The following ITGB5 variants were observed in gnomAD, a reference collection of about 807,000 sequenced individuals.
ITGB5 encodes integrin subunit beta 5.
Under a neutral mutation model 84.8 loss-of-function variants are expected in ITGB5, and 38 were observed. That is an observed-to-expected ratio of 0.45 (90% CI 0.35 to 0.59). ITGB5 has a LOEUF of 0.59. Ranked by LOEUF, ITGB5 falls within the 20% of genes least tolerant of loss-of-function variation. The pLI is 0.01. For synonymous variants in ITGB5, 393 were observed against 414.4 expected (o/e 0.95, Z 0.63); for missense variants, 905 against 1,034.5 (o/e 0.87, Z 1.72).
chr3:124,768,614 A>C (rs553764259), intron 12 of ITGB5, among the ~76,000 whole-genome samples: 30 of 152,280 alleles, frequency 2.0e-4, no homozygotes, highest in African/African-American at 5.8e-4. Context: ...GTATAGATGG[A>C]CCACACTTTG....
intron 2 of ITGB5, among the ~76,000 whole-genome samples, chr3:124,861,207 T>C (rs1343810395): frequency 1.3e-5 from 2 of 152,060 alleles, no homozygotes; most frequent in Non-Finnish European, 2.9e-5. Flanking sequence ...TAATAACGAT[T>C]TTTTATTTGT....
intron 10 of ITGB5, among the ~76,000 whole-genome samples, chr3:124,789,050 A>G (rs2064120529): frequency 6.6e-6 from 1 of 152,190 alleles, no homozygotes; most frequent in South Asian, 2.1e-4. Flanking sequence ...AACAAAAGGT[A>G]CTTTTGGAGA....
intron 1 of ITGB5, among the ~76,000 whole-genome samples, chr3:124,898,643 C>CGAAAAAAAAA (rs1935157227): frequency 3.4e-5 from 1 of 29,270 alleles, no homozygotes; most frequent in South Asian, 2.1e-3. Flanking sequence ...GACTCCGTCT[C>CGAAAAAAAAA]AAAAAAAAAA....
chr3:124,885,879 T>C (rs1249817646), intron 1 of ITGB5, among the ~76,000 whole-genome samples: 2 of 152,238 alleles, frequency 1.3e-5, no homozygotes, highest in Non-Finnish European at 2.9e-5. Flanking sequence ...ACTGCCTTCA[T>C]GTAAATGAGA....
chr3:124,878,262 C>G (rs1273534742), intron 1 of ITGB5, among the ~76,000 whole-genome samples: 2 of 152,204 alleles, frequency 1.3e-5, no homozygotes, highest in Non-Finnish European at 2.9e-5. Flanking sequence ...CTCCTCAATT[C>G]TGATGCAGAT....
chr3:124,817,904 C>T (rs184620363), intron 7 of ITGB5, among the ~76,000 whole-genome samples, 194 bp from the exon 8 acceptor site: 74 of 152,196 alleles, frequency 4.9e-4, no homozygotes, highest in Middle Eastern at 3.4e-3. Flanking sequence ...TGCTACAGTA[C>T]GCCGTGGAAT....
At chr3:124,800,932 C>T (rs897371088) in intron 9 of ITGB5, among the ~76,000 whole-genome samples, 8 of 152,196 alleles carry the variant, frequency 5.3e-5, no homozygotes, top group African/African-American at 1.2e-4. Flanking sequence ...CCCTCCCACT[C>T]GGTCTTGTTA....
At position 124,764,446 on chromosome 3, in the gene ITGB5, T is replaced by C. The variant is rs1473093820; in HGVS notation, c.2249A>G (p.Asp750Gly). 6.2e-7 allele frequency: 1 copy of C among 1,613,956 alleles called. No individual in the cohort carries two copies. The highest frequency in any genetic ancestry group is 8.5e-7 in the Non-Finnish European group (1 of 1,179,974). The change falls in exon 14 of 15, where the codon GAC (aspartate) becomes GGC (glycine). Residue 750 changes from aspartate to glycine, a missense_variant. Coordinates refer to ENST00000296181, the MANE Select transcript of ITGB5 (RefSeq NM_002213.5). ...AIWKLLVTIH[D>G]RREFAKFQSE... is the part of the protein sequence containing the mutation. ...CTGAAACTTTGCAAACTCCCTCCGG[T>C]CGTGGATGGTGACAAGCAGCTTCCA...
intron 3 of ITGB5, among the ~76,000 whole-genome samples, chr3:124,854,777 T>A (rs1261318041): frequency 6.6e-6 from 1 of 152,158 alleles, no homozygotes; most frequent in African/African-American, 2.4e-5. Context: ...ATATCTCAAT[T>A]TAAAAAAATA....
intron 2 of ITGB5, among the ~76,000 whole-genome samples, chr3:124,870,448 G>T (rs1393294730): frequency 1.3e-5 from 2 of 151,998 alleles, no homozygotes; most frequent in Non-Finnish European, 2.9e-5. Context: ...CCCTGCCCCA[G>T]TCGGGCATGG....
At chr3:124,867,699 G>A (rs2065413195) in intron 2 of ITGB5, among the ~76,000 whole-genome samples, 2 of 152,202 alleles carry the variant, frequency 1.3e-5, no homozygotes, top group South Asian at 4.1e-4. Context: ...GGAAGAATGT[G>A]GGCTACCCCT....
intron 9 of ITGB5, among the ~76,000 whole-genome samples, chr3:124,797,031 T>A (rs1265930517): frequency 1.3e-5 from 2 of 152,204 alleles, no homozygotes; most frequent in Non-Finnish European, 2.9e-5. Flanking sequence ...GAGCTCACAT[T>A]TGACAGGTGA....
intron 9 of ITGB5, among the ~76,000 whole-genome samples, chr3:124,803,759 T>A (rs9830425): frequency 1.3e-5 from 2 of 152,140 alleles, no homozygotes; most frequent in African/African-American, 4.8e-5. Context: ...GGATTGTACT[T>A]TGTGCTGGTA....
At chr3:124,829,129 T>C (rs75951369) in intron 5 of ITGB5, among the ~76,000 whole-genome samples, 3,506 of 152,316 alleles carry the variant, frequency 0.023, 55 homozygotes, top group Middle Eastern at 0.034. Context: ...TCATCTTATC[T>C]TTATATTAAT....
At chr3:124,888,654 A>G (rs566623548), upstream of ITGB5, among the ~76,000 whole-genome samples, 2 of 152,350 alleles carry the variant, frequency 1.3e-5, no homozygotes, top group East Asian at 1.9e-4. Flanking sequence ...ACCGAGGGAC[A>G]GAGGGGTTAA....
At chr3:124,766,151 C>G in intron 13 of ITGB5, 75 bp downstream of exon 13, 2 of 1,511,668 alleles carry the variant, frequency 1.3e-6, no homozygotes, top group Non-Finnish European at 1.8e-6. Context: ...GCAGTGGTCC[C>G]AGAGCAGAGA....
chr3:124,782,976 TTTTTTTC>T (rs1459015662), intron 10 of ITGB5, among the ~76,000 whole-genome samples: 1 of 151,790 alleles, frequency 6.6e-6, no homozygotes, highest in Non-Finnish European at 1.5e-5. Context: ...CTTTCTTTCT[TTTTTTTC>T]TTTTTTAATA....
rs1417815585 is a variant in ITGB5, at chr3:124,769,022, C to G, written c.2008G>C (p.Asp670His). ...GTGGCAGCACACTCACCGATGGTGT[C>G]CACCCATGTGATCACCTCATCCCTG... ...LCRDEVITWVDTIVKDDQEAV... is the reference protein window; with the variant it reads ...LCRDEVITWVHTIVKDDQEAV... Residue 670 changes from aspartate to histidine, a missense_variant, in exon 12 of 15, where the codon GAC becomes CAC. Around this residue, in one of 3 missense-constraint regions of ITGB5, gnomAD observed 116 missense variants for 177.0 expected, o/e 0.66. Coordinates refer to ENST00000296181, the MANE Select transcript of ITGB5 (RefSeq NM_002213.5). 6.2e-7 allele frequency: 1 copy of G among 1,611,120 alleles called. No individual in the cohort carries two copies.
chr3:124,771,292 A>G (rs76720875), intron 11 of ITGB5, among the ~76,000 whole-genome samples: 1,997 of 152,326 alleles, frequency 0.013, 34 homozygotes, highest in South Asian at 0.044. Context: ...CAGAAAAAAA[A>G]GGATGTAGGA....
Sources: allele counts gnomAD v4.1 joint callset (sites outside exome capture counted in the v4.1 genomes callset), GRCh38; gene constraint gnomAD v4.1.1; regional missense constraint gnomAD v4.1.1; transcripts MANE v1.5; gene names NCBI Gene and HGNC (gene_info 2026-07-23, HGNC 2026-07-21).